The following SELENOK variants were observed in gnomAD, a reference collection of about 807,000 sequenced individuals.
SELENOK encodes selenoprotein K.
Under a neutral mutation model 17.3 loss-of-function variants are expected in SELENOK, and 11 were observed. The ratio of observed to expected loss-of-function variants is 0.63; its 90% confidence interval spans 0.40 to 1.05. SELENOK has a LOEUF of 1.05. Ranked by LOEUF, SELENOK falls within the 50% of genes least tolerant of loss-of-function variation. The probability of loss-of-function intolerance (pLI) is 0.00; values close to 1 mark genes in which losing one functional copy is unlikely to be tolerated. For synonymous variants in SELENOK, 45 were observed against 35.4 expected, an observed-to-expected ratio of 1.27 and a Z score of -0.97; for missense variants, 125 against 113.9, an observed-to-expected ratio of 1.10 and a Z score of -0.44.
rs1700143278 is a variant in SELENOK at position 53,888,548 on chromosome 3, T to G, written c.20-65A>C. On this transcript the variant is annotated intron_variant, in intron 1 of 4. Transcript: ENST00000495461. ...AATCCCTAACCCAAGAGGCATCACA[T>G]TTAATTATTGAGGTAACAATGATTG... The G allele has an allele frequency of 6.5e-6, 7 of 1,079,310 alleles. No homozygotes were observed. In the South Asian group the frequency reaches 9.0e-5, roughly 14 times the overall value. 66.9% of individuals were successfully genotyped at this position (1,079,310 alleles called of 1,614,324 possible). A position where few individuals can be genotyped will look rare whatever the true frequency, so the allele number is the denominator to read the frequency against.
At chr3:53,888,509 T>C (rs528689867) in intron 1 of SELENOK, 26 bp from the exon 2 acceptor site, 3 of 1,482,360 alleles carry the variant, frequency 2.0e-6, no homozygotes, top group Non-Finnish European at 1.9e-6. Context: ...AAAGAAACTT[T>C]AGTGAGTGCT....
At chr3:53,887,985 G>C (rs1417314337) in intron 2 of SELENOK, 2 of 152,480 alleles carry the variant, frequency 1.3e-5, no homozygotes, top group Non-Finnish European at 2.9e-5. Flanking sequence ...TACTTCTTTG[G>C]AATTTTTTTT....
At chr3:53,886,129 A>T (rs1007933301) in intron 3 of SELENOK, among the ~76,000 whole-genome samples, 1 of 152,246 alleles carries the variant, frequency 6.6e-6, no homozygotes, top group Non-Finnish European at 1.5e-5. Flanking sequence ...TCAAGAAAGG[A>T]CTGTGATGAA....
rs1482130271 is a variant in SELENOK at position 53,884,429 on chromosome 3, CAATA to C, written c.*1125_*1128del. 1 of 152,140 alleles carries C rather than the reference CAATA, an allele frequency of 6.6e-6. No individual in the cohort carries two copies. Among genetic ancestry groups the C allele is most frequent in the Non-Finnish European group, 1.5e-5 (1 of 68,012 alleles). 9.4% of individuals were successfully genotyped at this position (152,140 alleles called of 1,614,324 possible). A position where few individuals can be genotyped will look rare whatever the true frequency, so the allele number is the denominator to read the frequency against. ...GAGGAATTATCTGTTTTCGTTTTTC[CAATA>C]AATATTTATTTCCAATAAATACTAC... On this transcript the variant is annotated 3_prime_UTR_variant, in exon 5 of 5. Coordinates refer to ENST00000495461, the MANE Select transcript of SELENOK (RefSeq NM_021237.5).
At chr3:53,886,721 G>T in intron 3 of SELENOK, 130 bp downstream of exon 3, 1 of 528,194 alleles carries the variant, frequency 1.9e-6, no homozygotes, top group Non-Finnish European at 3.3e-6. Flanking sequence ...TTAATTTACA[G>T]TAATGCATTA....
At chr3:53,889,757 T>C (rs1700154499) in intron 1 of SELENOK, among the ~76,000 whole-genome samples, 1 of 152,226 alleles carries the variant, frequency 6.6e-6, no homozygotes, top group African/African-American at 2.4e-5. Flanking sequence ...GAATCAGTTA[T>C]TTTTATAAAA....
At chr3:53,888,157 A>G (rs1305529777) in intron 2 of SELENOK, 2 of 361,930 alleles carry the variant, frequency 5.5e-6, no homozygotes, top group African/African-American at 4.3e-5. Flanking sequence ...AGTTACCACC[A>G]AGGTTAAGAT....
At position 53,884,981 on chromosome 3, in the gene SELENOK, T is replaced by G. The variant is rs1700113760; in HGVS notation, c.*577A>C. On this transcript the variant is annotated 3_prime_UTR_variant, in exon 5 of 5. Transcript: ENST00000495461. ...GTAAATTTTCATTTTGTAGCTCAGT[T>G]TTGTTAGCTATGGTTTTATAAATAC... 2 of 152,250 alleles carry G rather than the reference T, an allele frequency of 1.3e-5. No homozygotes were observed. Among genetic ancestry groups the G allele is most frequent in the South Asian group, 2.1e-4 (1 of 4,838 alleles). The allele number at this position is 152,250 out of a possible 1,614,324, so 9.4% of individuals were successfully genotyped here.
intron 1 of SELENOK, 64 bp from the exon 2 acceptor site, chr3:53,888,547 A>G: frequency 5.6e-6 from 6 of 1,078,572 alleles, no homozygotes; most frequent in Non-Finnish European, 8.4e-6. Context: ...GAGGCATCAC[A>G]TTTAATTATT....
In SELENOK at chr3:53,885,878, T is replaced by C. The variant is rs1700122038; in HGVS notation, c.229A>G (p.Ile77Val). Residue 77 changes from isoleucine (I) to valine (V), a missense_variant, in exon 4 of 5, where the codon ATC (isoleucine) becomes GTC (valine). Transcript: ENST00000495461. ...PGNPPRRMGR[I>V]NHLRGPSPPP... ...GGACTAGGGCCACGCAGATGATTGA[T>C]TCTACCCATTCTTCGGGGAGGGTTT... The C allele has an allele frequency of 6.4e-7, 1 of 1,561,246 alleles. No individual in the cohort carries two copies. Among genetic ancestry groups the C allele is most frequent in the Non-Finnish European group, 8.6e-7 (1 of 1,159,118 alleles).
chr3:53,891,671 A>T, intron 1 of SELENOK, 99 bp downstream of exon 1: 1 of 1,488,058 alleles, frequency 6.7e-7, no homozygotes, highest in Non-Finnish European at 9.3e-7. Context: ...AGCCCGGGGA[A>T]GCCGCACCGG....
rs550184177 is a variant in SELENOK, at chr3:53,887,033, T to G, written c.111-99A>C. On this transcript the variant is annotated intron_variant, in intron 2 of 4. Coordinates refer to ENST00000495461, the MANE Select transcript of SELENOK (RefSeq NM_021237.5). ...ACCATCATCTCTGTGAGAGGATTAC[T>G]AAACCCACTTAGCTCCTAACCCACA... is the stretch of plus-strand genomic sequence containing the variant. The G allele has an allele frequency of 5.6e-5, 51 of 908,256 alleles. No individual in the cohort carries two copies. In the African/African-American group the frequency reaches 8.1e-4, roughly 14 times the overall value. The allele number at this position is 908,256 out of a possible 1,614,324, so 56.3% of individuals were successfully genotyped here.
intron 2 of SELENOK, chr3:53,888,089 GAA>G (rs1180090190): frequency 9.8e-6 from 2 of 203,766 alleles, no homozygotes; most frequent in Non-Finnish European, 1.9e-5. Context: ...ATAGTAGAGA[GAA>G]AGTGAGGTCC....
At chr3:53,889,956 T>C (rs1456975878) in intron 1 of SELENOK, among the ~76,000 whole-genome samples, 1 of 152,240 alleles carries the variant, frequency 6.6e-6, no homozygotes, top group African/African-American at 2.4e-5. Context: ...ACACTATATT[T>C]CAGCCTTGCA....
chr3:53,886,166 A>C (rs906291248), intron 3 of SELENOK, among the ~76,000 whole-genome samples: 3 of 152,252 alleles, frequency 2.0e-5, no homozygotes, highest in African/African-American at 7.2e-5. Context: ...GTAATGCCCC[A>C]CTGAAACCCA....
chr3:53,891,647 G>T, intron 1 of SELENOK, 123 bp downstream of exon 1: 1 of 1,330,942 alleles, frequency 7.5e-7, no homozygotes. Context: ...GCTCCGCCCG[G>T]CCGCGGGGCG....
intron 2 of SELENOK, 34 bp downstream of exon 2, chr3:53,888,359 A>T: frequency 7.4e-7 from 1 of 1,359,494 alleles, no homozygotes; most frequent in Non-Finnish European, 1.1e-6. Context: ...GTCAACTTAA[A>T]TATCAGGGCA....
At chr3:53,890,173 T>C (rs1044257066) in intron 1 of SELENOK, among the ~76,000 whole-genome samples, 5 of 152,144 alleles carry the variant, frequency 3.3e-5, no homozygotes, top group African/African-American at 1.2e-4. Flanking sequence ...GTTTAGAGGG[T>C]GGGTGACAGG....
At position 53,885,517 on chromosome 3, in the gene SELENOK, T is replaced by C. The variant is rs189828814; in HGVS notation, c.*41A>G. The C allele has an allele frequency of 8.1e-6, 13 of 1,599,194 alleles. No individual in the cohort carries two copies. In the Admixed American group the frequency reaches 1.7e-4, roughly 21 times the overall value. ...ACTTCTTGATGGTTTCCTTCTGCTA[T>C]GAATGCGCATGTCCGGTTGTCTGCT... On this transcript the variant is annotated 3_prime_UTR_variant, in exon 5 of 5. Transcript: ENST00000495461.
Sources: gnomAD v4.1 joint callset for allele counts (sites outside exome capture counted in the v4.1 genomes callset) on GRCh38, gnomAD v4.1.1 for gene constraint, MANE v1.5 for transcripts, NCBI Gene and HGNC (gene_info 2026-07-23, HGNC 2026-07-21) for gene names.